The following SDK1 variants were observed in gnomAD, a reference collection of about 807,000 sequenced individuals.
SDK1 encodes the protein sidekick cell adhesion molecule 1, also known as protein sidekick-1.
SDK1 carries 157 observed loss-of-function variants against 245.5 expected under a neutral mutation model. The ratio of observed to expected loss-of-function variants is 0.64; its 90% CI spans 0.56 to 0.73. SDK1 has a LOEUF of 0.73. Ranked by LOEUF, SDK1 falls within the 30% of genes least tolerant of loss-of-function variation. The probability of loss-of-function intolerance (pLI) is 0.00; values close to 1 mark genes in which losing one functional copy is unlikely to be tolerated. For synonymous variants in SDK1, 1,647 were observed against 1,278.5 expected, an observed-to-expected ratio of 1.29 and a Z score of -6.15; for missense variants, 3,583 against 3,002.3, an observed-to-expected ratio of 1.19 and a Z score of -4.52.
chr7:4,231,101 T>A (rs1162154021), intron 40 of SDK1, among the ~76,000 whole-genome samples: 2 of 152,152 alleles, frequency 1.3e-5, no homozygotes, highest in African/African-American at 4.8e-5. Context: ...CAAACTCACA[T>A]ACGACAATAT....
chr7:4,075,637 T>C (rs986378739), intron 20 of SDK1, among the ~76,000 whole-genome samples: 1 of 151,688 alleles, frequency 6.6e-6, no homozygotes, highest in Admixed American at 6.6e-5. Flanking sequence ...ATTCAGGAGC[T>C]AGTTGGGTCT....
At chr7:3,846,144 A>C (rs1427154465) in intron 5 of SDK1, among the ~76,000 whole-genome samples, 2 of 152,206 alleles carry the variant, frequency 1.3e-5, no homozygotes, top group East Asian at 3.9e-4. Context: ...ATTCTCTCTT[A>C]ATTTCATGAA....
intron 19 of SDK1, among the ~76,000 whole-genome samples, chr7:4,057,354 C>G (rs1285503944): frequency 1.3e-5 from 2 of 152,168 alleles, no homozygotes; most frequent in Non-Finnish European, 2.9e-5. Flanking sequence ...TCCTGGGGAC[C>G]TGAAGTCGGG....
chr7:4,120,421 A>G (rs1263178179), intron 25 of SDK1, among the ~76,000 whole-genome samples: 1 of 148,920 alleles, frequency 6.7e-6, no homozygotes, highest in African/African-American at 2.5e-5. Context: ...TGAGGTGACT[A>G]TTCAGGAACA....
intron 1 of SDK1, among the ~76,000 whole-genome samples, chr7:3,411,674 A>G (rs1779208374): frequency 6.6e-6 from 1 of 152,174 alleles, no homozygotes; most frequent in Non-Finnish European, 1.5e-5. Flanking sequence ...AAAGCTCCCT[A>G]TTAATGCAGC....
At chr7:3,837,829 C>A (rs1780060177) in intron 5 of SDK1, among the ~76,000 whole-genome samples, 1 of 152,092 alleles carries the variant, frequency 6.6e-6, no homozygotes, top group African/African-American at 2.4e-5. Context: ...CTGTATTGAG[C>A]AGGACAGTTT....
intron 22 of SDK1, among the ~76,000 whole-genome samples, chr7:4,088,673 C>G (rs762981367): frequency 6.6e-5 from 10 of 152,110 alleles, no homozygotes; most frequent in Non-Finnish European, 5.9e-5. Context: ...CACTGCCCTT[C>G]TGTTTCACTA....
chr7:3,601,101 A>G (rs1241144686), intron 1 of SDK1, among the ~76,000 whole-genome samples: 1 of 152,082 alleles, frequency 6.6e-6, no homozygotes. Flanking sequence ...CGTTATTTTA[A>G]TACATTACTG....
intron 8 of SDK1, among the ~76,000 whole-genome samples, chr7:3,959,766 G>A (rs575519638): frequency 1.3e-5 from 2 of 152,054 alleles, no homozygotes; most frequent in African/African-American, 2.4e-5. Flanking sequence ...TTTTGTGGCC[G>A]AATAGTATTT....
intron 5 of SDK1, among the ~76,000 whole-genome samples, chr7:3,875,946 C>A (rs555778633): frequency 1.3e-5 from 2 of 152,322 alleles, no homozygotes; most frequent in African/African-American, 4.8e-5. Flanking sequence ...CTCTCACTTG[C>A]CTGGCAGTTC....
At chr7:3,679,032 C>G (rs144285974) in intron 4 of SDK1, among the ~76,000 whole-genome samples, 2 of 152,252 alleles carry the variant, frequency 1.3e-5, no homozygotes, top group East Asian at 3.9e-4. Flanking sequence ...TCTTCAGAGC[C>G]TACGGATTAG....
intron 1 of SDK1, among the ~76,000 whole-genome samples, chr7:3,403,855 A>ATAT (rs1562466161): frequency 5.7e-4 from 52 of 91,672 alleles, no homozygotes; most frequent in African/African-American, 2.8e-3. Context: ...ATATATATAT[A>ATAT]TATATATATA....
At chr7:4,196,617 A>G (rs1476066858) in intron 35 of SDK1, among the ~76,000 whole-genome samples, 2 of 152,072 alleles carry the variant, frequency 1.3e-5, no homozygotes, top group Non-Finnish European at 2.9e-5. Context: ...TCCTAGGCCC[A>G]GGCACTGCCC....
Position 3,389,804 on chromosome 7 carries a change from C to A in SDK1, c.298+87920C>A, listed in dbSNP as rs191458618. ...GAAGTTGGTACCTGGAGGTGGGGTG[C>A]TGTGGTAACAAATATCTGAAAATGT... On this transcript the variant is annotated intron_variant, in intron 1 of 44. Transcript: ENST00000404826. 4.1e-3 allele frequency among the ~76,000 whole-genome samples: 631 copies of A among 152,150 alleles called. 9 individuals are homozygous for A. Among genetic ancestry groups the A allele is most frequent in the South Asian group, 0.018 (86 of 4,820 alleles).
intron 1 of SDK1, among the ~76,000 whole-genome samples, chr7:3,447,319 T>C (rs557675061): frequency 3.9e-5 from 6 of 152,326 alleles, no homozygotes; most frequent in Admixed American, 2.0e-4. Context: ...TAGCTGATTG[T>C]GTACCATCTC....
At chr7:3,641,166 C>A (rs930671841) in intron 3 of SDK1, among the ~76,000 whole-genome samples, 1 of 152,014 alleles carries the variant, frequency 6.6e-6, no homozygotes, top group Non-Finnish European at 1.5e-5. Flanking sequence ...GATAATAGAG[C>A]ACTTCTGTGG....
At chr7:3,828,080 C>A (rs1328995018) in intron 5 of SDK1, among the ~76,000 whole-genome samples, 4 of 152,056 alleles carry the variant, frequency 2.6e-5, no homozygotes, top group Non-Finnish European at 5.9e-5. Context: ...GAGTTTGAGA[C>A]CAGCCTAACT....
chr7:3,998,062 T>A (rs1046930044), intron 14 of SDK1, among the ~76,000 whole-genome samples: 1 of 152,226 alleles, frequency 6.6e-6, no homozygotes, highest in Admixed American at 6.5e-5. Context: ...GGATCCTGCC[T>A]GCTCCCAGCC....
intron 1 of SDK1, among the ~76,000 whole-genome samples, chr7:3,596,081 A>T (rs1352508260): frequency 2.6e-5 from 4 of 151,916 alleles, no homozygotes; most frequent in African/African-American, 9.7e-5. Context: ...GGTAGCACAG[A>T]TTAATTATCC....
Sources: gnomAD v4.1 joint callset for allele counts (sites outside exome capture counted in the v4.1 genomes callset) on GRCh38, gnomAD v4.1.1 for gene constraint, MANE v1.5 for transcripts, NCBI Gene and HGNC (gene_info 2026-07-23, HGNC 2026-07-21) for gene names.